The following CORO7 variants were observed in gnomAD, a reference collection of about 807,000 sequenced individuals.
The protein encoded by CORO7 is coronin 7.
A neutral mutation model predicts 126.6 loss-of-function variants in CORO7; 107 were observed. The ratio of observed to expected loss-of-function variants is 0.85; its 90% confidence interval spans 0.72 to 0.99. CORO7 has a LOEUF of 0.99. Among genes scored for constraint, CORO7 ranks in the 50% least tolerant of loss-of-function variants. The pLI is 0.00. For missense variants in CORO7, 1,314 were observed against 1,255.8 expected, an observed-to-expected ratio of 1.05 and a Z score of -0.70; for synonymous variants, 603 against 536.8, an observed-to-expected ratio of 1.12 and a Z score of -1.70.
rs1368630446 is a variant in CORO7 at position 4,365,078 on chromosome 16, T to G, written c.841-18A>C. The stretch of plus-strand genomic sequence containing the variant: ...CTCTCGCCCTGAAATGAGTCTGAAC[T>G]GAGCCCCGTTTGCTGACTGAACCCC... On this transcript the variant is annotated intron_variant, in intron 10 of 27. Coordinates refer to ENST00000251166, the MANE Select transcript of CORO7 (RefSeq NM_024535.5). The G allele has an allele frequency of 6.3e-7, 1 of 1,586,822 alleles. No individual in the cohort carries two copies. The highest frequency in any genetic ancestry group is 1.3e-5 in the African/African-American group (1 of 74,484).
At chr16:4,413,516 A>C in intron 1 of CORO7, 112 bp from the exon 2 acceptor site, 1 of 883,082 alleles carries the variant, frequency 1.1e-6, no homozygotes, top group Non-Finnish European at 1.7e-6. Flanking sequence ...CAGCTGCACC[A>C]TTCGAGATGC....
At chr16:4,392,523 G>A (rs927695123) in intron 7 of CORO7, among the ~76,000 whole-genome samples, 8 of 152,228 alleles carry the variant, frequency 5.3e-5, no homozygotes, top group Non-Finnish European at 7.3e-5. Context: ...AGACAGTGGA[G>A]GGCGGACTCC....
At chr16:4,406,861 G>A (rs916876343) in intron 5 of CORO7, among the ~76,000 whole-genome samples, 11 of 151,380 alleles carry the variant, frequency 7.3e-5, no homozygotes, top group Admixed American at 4.6e-4. Context: ...GGCTAGTCTC[G>A]AACTCCTGAC....
intron 6 of CORO7, among the ~76,000 whole-genome samples, chr16:4,404,807 C>T (rs1456195710): frequency 6.6e-6 from 1 of 152,120 alleles, no homozygotes; most frequent in South Asian, 2.1e-4. Flanking sequence ...TGCCACGCAT[C>T]CCCCTGTAGA....
At chr16:4,396,421 C>T (rs554821170) in intron 6 of CORO7, among the ~76,000 whole-genome samples, 2 of 152,316 alleles carry the variant, frequency 1.3e-5, no homozygotes, top group East Asian at 1.9e-4. Context: ...AATAACATGG[C>T]ATAGTGTGAT....
chr16:4,392,540 C>T (rs959098215), intron 7 of CORO7, among the ~76,000 whole-genome samples: 2 of 152,192 alleles, frequency 1.3e-5, no homozygotes, highest in Non-Finnish European at 2.9e-5. Context: ...CTCCCTGGCC[C>T]ACTCTGGGCT....
Position 4,358,034 on chromosome 16 carries a change from C to G in CORO7, c.2527G>C (p.Ala843Pro), listed in dbSNP as rs763208781. ...TGCCCATTAGCGCCTTGCAGCCAGG[C>G]CTCGGCACTGAGCACAGGCTCCCAG... ...VIWEPVLSAEAWLQGANGQPW... is the reference protein window; with the variant it reads ...VIWEPVLSAEPWLQGANGQPW... Residue 843 changes from alanine to proline, a missense_variant, in exon 25 of 28, where the codon GCC becomes CCC. Coordinates refer to ENST00000251166, the MANE Select transcript of CORO7 (RefSeq NM_024535.5). 6.2e-7 allele frequency: 1 copy of G among 1,613,460 alleles called. No homozygotes were observed. Among genetic ancestry groups the G allele is most frequent in the African/African-American group, 1.3e-5 (1 of 75,058 alleles).
At chr16:4,388,199 G>A (rs9926145) in intron 8 of CORO7, 131 bp from the exon 9 acceptor site, 66,884 of 1,157,250 alleles carry the variant, frequency 0.058, 3,468 homozygotes, top group African/African-American at 0.24. Context: ...GCTTGGAGTG[G>A]GGGTGGGAGT....
intron 9 of CORO7, among the ~76,000 whole-genome samples, chr16:4,377,400 C>T (rs1343972582): frequency 6.6e-6 from 1 of 152,138 alleles, no homozygotes; most frequent in African/African-American, 2.4e-5. Context: ...GTAGACAGCC[C>T]CCAGCCCCAC....
intron 6 of CORO7, among the ~76,000 whole-genome samples, chr16:4,403,565 G>T (rs868631587): frequency 6.6e-6 from 1 of 152,160 alleles, no homozygotes; most frequent in Non-Finnish European, 1.5e-5. Flanking sequence ...GGTTTAGCGG[G>T]GGAAAACACA....
Position 4,365,541 on chromosome 16 carries a change from G to C in CORO7, c.790C>G (p.Leu264Val). 1 of 1,580,272 alleles carries C rather than the reference G, an allele frequency of 6.3e-7. No homozygotes were observed. The highest frequency in any genetic ancestry group is 8.6e-7 in the Non-Finnish European group (1 of 1,163,332). ...GAGTCAGGGTCCAGCAGAGGCACGA[G>C]ACACCTGGGGAAGAGAGGGCAAGAT... ...SLTLDTSLGC[L>V]VPLLDPDSGL... is the part of the protein sequence containing the mutation. Residue 264 changes from leucine to valine, a missense_variant, in exon 10 of 28, where the codon CTC becomes GTC. Leu to Val is a conservative substitution (Grantham distance 32). Transcript: ENST00000251166.
Position 4,359,293 on chromosome 16 carries a change from C to CA in CORO7, c.2340+2dup, listed in dbSNP as rs2054081888. 1 of 1,600,842 alleles carries CA rather than the reference C, an allele frequency of 6.2e-7. No individual in the cohort carries two copies. The highest frequency in any genetic ancestry group is 8.5e-7 in the Non-Finnish European group (1 of 1,174,656). On this transcript the variant is annotated splice_region_variant and intron_variant, in intron 23 of 27. Coordinates refer to ENST00000251166, the MANE Select transcript of CORO7 (RefSeq NM_024535.5). The stretch of plus-strand genomic sequence containing the variant: ...CGGGGACGAGGCGCCAGGGTGGCCT[C>CA]ACCTTGTGGGGGTCAGGCGACGTGA...
At position 4,360,368 on chromosome 16, in the gene CORO7, T is replaced by C; in HGVS notation, c.2023-5A>G. On this transcript the variant is annotated splice_region_variant and splice_polypyrimidine_tract_variant and intron_variant, in intron 20 of 27. Coordinates refer to ENST00000251166, the MANE Select transcript of CORO7 (RefSeq NM_024535.5). ...TCCCTTGGGCCCTGGGCCTTCCTGT[T>C]GAGATACATCGCGTGACACCCAGCC... The C allele has an allele frequency of 3.1e-6, 5 of 1,611,842 alleles. No homozygotes were observed. The highest frequency in any genetic ancestry group is 4.2e-6 in the Non-Finnish European group (5 of 1,178,708).
intron 16 of CORO7, 165 bp downstream of exon 16, chr16:4,361,820 A>G: frequency 8.8e-7 from 1 of 1,138,474 alleles, no homozygotes; most frequent in Non-Finnish European, 1.3e-6. Context: ...AATGGGGATA[A>G]AAGTGGCAGG....
chr16:4,413,194 G>A (rs534465871), intron 2 of CORO7, 114 bp downstream of exon 2: 30 of 1,114,114 alleles, frequency 2.7e-5, no homozygotes, highest in South Asian at 4.7e-5. Flanking sequence ...GCCCCCCAAA[G>A]CAGTTCCGTT....
intron 9 of CORO7, among the ~76,000 whole-genome samples, chr16:4,386,143 G>A (rs1323278547): frequency 6.6e-6 from 1 of 152,170 alleles, no homozygotes; most frequent in African/African-American, 2.4e-5. Flanking sequence ...GCAGAGCAGG[G>A]GCCAGGGCTC....
intron 6 of CORO7, among the ~76,000 whole-genome samples, chr16:4,404,783 A>C (rs2055935437): frequency 6.6e-6 from 1 of 150,496 alleles, no homozygotes; most frequent in African/African-American, 2.5e-5. Flanking sequence ...AACAGCTCTC[A>C]CCTCCCCGCA....
intron 6 of CORO7, among the ~76,000 whole-genome samples, chr16:4,401,132 C>T (rs190850442): frequency 1.3e-5 from 2 of 152,092 alleles, no homozygotes; most frequent in Admixed American, 6.6e-5. Context: ...GAGGTTGTCA[C>T]GGGAAACCGC....
chr16:4,415,813 C>T (rs756621088), intron 1 of CORO7: 6 of 985,532 alleles, frequency 6.1e-6, no homozygotes, highest in African/African-American at 1.7e-5. Context: ...GGTCTCCCGG[C>T]ACCTGGCTCA....
Sources: gnomAD v4.1 joint callset for allele counts (sites outside exome capture counted in the v4.1 genomes callset) on GRCh38, gnomAD v4.1.1 for gene constraint, MANE v1.5 for transcripts, NCBI Gene and HGNC (gene_info 2026-07-23, HGNC 2026-07-21) for gene names.